The following TEX11 variants were observed in gnomAD, a reference collection of about 807,000 sequenced individuals.
TEX11 encodes testis expressed 11, also known as testis-expressed protein 11.
A neutral mutation model predicts 84.4 loss-of-function variants in TEX11; 7 were observed. That is an observed-to-expected ratio of 0.08 (90% CI 0.05 to 0.16). The LOEUF (loss-of-function observed/expected upper bound fraction) is 0.16. Ranked by LOEUF, TEX11 falls within the 10% of genes least tolerant of loss-of-function variation. TEX11 has a pLI of 1.00. For synonymous variants in TEX11, 264 were observed against 222.8 expected (o/e 1.18, Z -1.64); for missense variants, 551 against 660.5 (o/e 0.83, Z 1.82).
At chrX:70,554,286 C>G (rs1290109714) in intron 26 of TEX11, among the ~76,000 whole-genome samples, 2 of 111,955 alleles carry the variant, frequency 1.8e-5, no homozygotes, top group Non-Finnish European at 3.8e-5. Flanking sequence ...TTATTTCTAG[C>G]TAGCCCAGAA....
rs149455499 is a variant in TEX11 at position 70,672,474 on chromosome X, T to C, written c.1243-1960A>G. Among the ~76,000 whole-genome samples the C allele has an allele frequency of 4.9e-3, 550 of 112,290 alleles. 4 individuals are homozygous for C. Among genetic ancestry groups the C allele is most frequent in the African/African-American group, 0.017 (523 of 30,958 alleles). On this transcript the variant is annotated intron_variant, in intron 15 of 29. Coordinates refer to ENST00000374333, the MANE Select transcript of TEX11 (RefSeq NM_031276.3). ...TCTGTACTATCTTATATTTCCACCA[T>C]GAAGTTCCAGTTCCTCAACATCTTC...
chrX:70,778,653 T>G (rs2091017076), intron 9 of TEX11, among the ~76,000 whole-genome samples: 1 of 110,336 alleles, frequency 9.1e-6, no homozygotes, highest in Admixed American at 9.7e-5. Flanking sequence ...GTTTTTGTTT[T>G]TTGTTTGTTT....
At chrX:70,781,099 A>C (rs977779069) in intron 9 of TEX11, among the ~76,000 whole-genome samples, 2 of 111,692 alleles carry the variant, frequency 1.8e-5, no homozygotes, top group African/African-American at 6.5e-5. Flanking sequence ...CTCTGGGATG[A>C]AGCTTCCAGA....
At chrX:70,534,492 C>T in intron 28 of TEX11, among the ~76,000 whole-genome samples, 1 of 111,764 alleles carries the variant, frequency 8.9e-6, no homozygotes, top group Admixed American at 9.5e-5. Flanking sequence ...AATCATTAAT[C>T]CTCAATAAAG....
chrX:70,529,239 A>G (rs1445816156), intron 29 of TEX11, 52 bp from the exon 30 acceptor site: 5 of 995,711 alleles, frequency 5.0e-6, no homozygotes, highest in Non-Finnish European at 7.1e-6. Flanking sequence ...GAAATGTGGG[A>G]AAGCTTCCCA....
intron 9 of TEX11, among the ~76,000 whole-genome samples, chrX:70,776,320 G>T (rs1569437422): frequency 2.7e-5 from 3 of 110,782 alleles, no homozygotes; most frequent in Admixed American, 9.6e-5. Context: ...CCAGCACTTT[G>T]GGGGGCCGAG....
At chrX:70,766,835 G>A (rs1237586980) in intron 9 of TEX11, among the ~76,000 whole-genome samples, 2 of 111,681 alleles carry the variant, frequency 1.8e-5, no homozygotes, top group Non-Finnish European at 3.8e-5. Flanking sequence ...ACACCTAACA[G>A]TGAACTCATT....
chrX:70,713,012 T>C (rs1431628228), intron 13 of TEX11, among the ~76,000 whole-genome samples: 1 of 111,943 alleles, frequency 8.9e-6, no homozygotes, highest in Non-Finnish European at 1.9e-5. Flanking sequence ...AGTTGTTGAA[T>C]TTTGTCAAAG....
rs150528179 is a variant in TEX11, at chrX:70,678,883, T to A, written c.1163A>T (p.Gln388Leu). 6 of 1,130,549 alleles carry A rather than the reference T, an allele frequency of 5.3e-6. No individual in the cohort carries two copies. The highest frequency in any genetic ancestry group is 5.8e-6 in the Non-Finnish European group (5 of 860,125). The allele number at this position is 1,130,549 out of a possible 1,213,427, so 93.2% of individuals were successfully genotyped here. Reference sequence around the variant, plus strand: ...TTCTGCTGTCAGTTGTCTTCCTGTTTGGTGAGCTGAAAAAAAAAAAAAGCT... The same window carrying A: ...TTCTGCTGTCAGTTGTCTTCCTGTTAGGTGAGCTGAAAAAAAAAAAAAGCT... ...EKIEEIFLAHQTGRQLTAESM... is the reference protein window; with the variant it reads ...EKIEEIFLAHLTGRQLTAESM... Residue 388 changes from glutamine (Q) to leucine (L), a missense_variant, in exon 15 of 30, where the codon CAA becomes CTA. Gln to Leu is a moderately radical substitution (Grantham distance 113). Coordinates refer to ENST00000374333, the MANE Select transcript of TEX11 (RefSeq NM_031276.3).
chrX:70,885,646 C>G (rs781133370), intron 2 of TEX11, among the ~76,000 whole-genome samples: 1 of 111,209 alleles, frequency 9.0e-6, no homozygotes, highest in Non-Finnish European at 1.9e-5. Flanking sequence ...AATCCCAGCA[C>G]ATTGGGAGGC....
intron 11 of TEX11, among the ~76,000 whole-genome samples, chrX:70,731,833 G>T (rs948595786): frequency 5.4e-5 from 6 of 110,519 alleles, no homozygotes; most frequent in Non-Finnish European, 7.6e-5. Flanking sequence ...TACCAAAGCC[G>T]GGCAGAGACA....
At chrX:70,706,596 TA>T (rs1376065327) in intron 13 of TEX11, among the ~76,000 whole-genome samples, 2 of 111,326 alleles carry the variant, frequency 1.8e-5, no homozygotes, top group Non-Finnish European at 3.8e-5. Flanking sequence ...TTTTATGGTA[TA>T]AAAATATTCT....
chrX:70,532,660 G>A (rs770654372), intron 28 of TEX11, among the ~76,000 whole-genome samples: 29 of 112,204 alleles, frequency 2.6e-4, no homozygotes, highest in African/African-American at 9.4e-4. Context: ...CTTGAACCCA[G>A]GAGGCGGAGG....
intron 2 of TEX11, among the ~76,000 whole-genome samples, chrX:70,897,171 T>TATATATGTTATATATA: frequency 2.4e-5 from 1 of 42,386 alleles, no homozygotes; most frequent in African/African-American, 5.9e-5. Context: ...TATATTTTTA[T>TATATATGTTATATATA]ATATATGTTA....
intron 28 of TEX11, among the ~76,000 whole-genome samples, chrX:70,539,227 G>A (rs1265934550): frequency 9.4e-6 from 1 of 106,136 alleles, no homozygotes; most frequent in Non-Finnish European, 1.9e-5. Context: ...TAGAGACAGG[G>A]TTTCACCATG....
chrX:70,789,073 A>T (rs1280493299), intron 9 of TEX11, among the ~76,000 whole-genome samples: 1 of 99,069 alleles, frequency 1.0e-5, no homozygotes, highest in Non-Finnish European at 2.0e-5. Context: ...GGTGGCACAC[A>T]TCTATAATCC....
At chrX:70,566,615 G>C (rs1489312655) in intron 25 of TEX11, among the ~76,000 whole-genome samples, 3 of 111,140 alleles carry the variant, frequency 2.7e-5, no homozygotes, top group African/African-American at 6.5e-5. Flanking sequence ...TAGCATGAAG[G>C]GTTGTTGAAT....
At chrX:70,862,230 T>C (rs2147859830) in intron 4 of TEX11, among the ~76,000 whole-genome samples, 1 of 112,334 alleles carries the variant, frequency 8.9e-6, no homozygotes, top group Non-Finnish European at 1.9e-5. Flanking sequence ...TACTTCATTA[T>C]ATAACTCATT....
intron 13 of TEX11, among the ~76,000 whole-genome samples, chrX:70,716,750 T>G (rs975999368): frequency 4.5e-5 from 5 of 112,180 alleles, no homozygotes; most frequent in Non-Finnish European, 1.9e-5. Flanking sequence ...TGCCTCGCCC[T>G]GCTTCAGCTC....
Sources: gnomAD v4.1 joint callset for allele counts (sites outside exome capture counted in the v4.1 genomes callset) on GRCh38, gnomAD v4.1.1 for gene constraint, MANE v1.5 for transcripts, NCBI Gene and HGNC (gene_info 2026-07-23, HGNC 2026-07-21) for gene names.